AUTS2: variants seen among roughly 807,000 people sequenced by gnomAD.
AUTS2 encodes autism susceptibility gene 2 protein.
In AUTS2, 17 loss-of-function variants were observed where a neutral mutation model predicts 112.4. That is an observed-to-expected ratio of 0.15 (90% CI 0.10 to 0.23). The LOEUF is 0.23. Ranked by LOEUF, AUTS2 falls within the 10% of genes least tolerant of loss-of-function variation. The pLI, the probability that AUTS2 is intolerant of heterozygous loss-of-function variation, is 1.00. For synonymous variants in AUTS2, 751 were observed against 702.7 expected (o/e 1.07, Z -1.09); for missense variants, 1,510 against 1,701.6 (o/e 0.89, Z 1.98).
At chr7:70,586,739 G>A (rs1343359235) in intron 5 of AUTS2, among the ~76,000 whole-genome samples, 1 of 152,154 alleles carries the variant, frequency 6.6e-6, no homozygotes, top group East Asian at 1.9e-4. Flanking sequence ...CGGAGACCCT[G>A]CTGTTCAATC....
At chr7:70,552,185 A>G (rs999244816) in intron 5 of AUTS2, among the ~76,000 whole-genome samples, 1 of 152,180 alleles carries the variant, frequency 6.6e-6, no homozygotes, top group Non-Finnish European at 1.5e-5. Context: ...AGTGGAACTT[A>G]ATCTAATTTA....
At chr7:70,530,905 G>C (rs1430839202) in intron 5 of AUTS2, among the ~76,000 whole-genome samples, 1 of 152,066 alleles carries the variant, frequency 6.6e-6, no homozygotes, top group African/African-American at 2.4e-5. Context: ...TATTATCGTT[G>C]GGAAGCATTA....
intron 1 of AUTS2, among the ~76,000 whole-genome samples, chr7:69,714,217 A>G (rs987077849): frequency 5.3e-5 from 8 of 150,284 alleles, no homozygotes; most frequent in South Asian, 4.2e-4. Context: ...GCATGCACCA[A>G]CACACCCAGC....
intron 4 of AUTS2, among the ~76,000 whole-genome samples, chr7:70,366,545 G>A (rs1302433025): frequency 2.0e-5 from 3 of 152,106 alleles, no homozygotes; most frequent in Non-Finnish European, 4.4e-5. Context: ...AGTAGATTAG[G>A]CCCCAAATCC....
At chr7:70,161,800 A>ACTGCAGGT (rs1808088736) in intron 4 of AUTS2, among the ~76,000 whole-genome samples, 1 of 152,066 alleles carries the variant, frequency 6.6e-6, no homozygotes, top group Non-Finnish European at 1.5e-5. Context: ...GTAACACTCC[A>ACTGCAGGT]TAAACCTGCA....
At position 70,567,935 on chromosome 7, in the gene AUTS2, C is replaced by G. The variant is rs891579149; in HGVS notation, c.691-130634C>G. The stretch of plus-strand genomic sequence containing the variant: ...CTCCAGAATAGAGGCACCATATGAG[C>G]AACAACACTAGACTGGGTTTCTCAG... On this transcript the variant is annotated intron_variant, in intron 5 of 18. Transcript: ENST00000342771. Among the ~76,000 whole-genome samples the G allele has an allele frequency of 4.6e-5, 7 of 152,180 alleles. No individual in the cohort carries two copies. The East Asian group carries it at 1.3e-3, about 29-fold the overall frequency.
chr7:69,946,474 T>C (rs1796813844), intron 2 of AUTS2, among the ~76,000 whole-genome samples: 1 of 152,114 alleles, frequency 6.6e-6, no homozygotes, highest in Non-Finnish European at 1.5e-5. Flanking sequence ...ATGTTCATTA[T>C]GGCATTATTC....
At chr7:69,968,823 A>G (rs1239314345) in intron 2 of AUTS2, among the ~76,000 whole-genome samples, 1 of 151,938 alleles carries the variant, frequency 6.6e-6, no homozygotes, top group Admixed American at 6.6e-5. Flanking sequence ...AAAAGTTAGA[A>G]CATTTTCAAC....
intron 2 of AUTS2, among the ~76,000 whole-genome samples, chr7:70,018,940 T>C (rs1800151758): frequency 6.6e-6 from 1 of 152,238 alleles, no homozygotes; most frequent in African/African-American, 2.4e-5. Flanking sequence ...TAAATTGTTC[T>C]ATCATAAAGA....
At chr7:69,793,150 T>A (rs910108534) in intron 1 of AUTS2, among the ~76,000 whole-genome samples, 4 of 152,152 alleles carry the variant, frequency 2.6e-5, no homozygotes, top group Non-Finnish European at 5.9e-5. Context: ...ACAGTTTGAG[T>A]CCTGTGTTTG....
At chr7:70,014,842 G>A (rs916974302) in intron 2 of AUTS2, among the ~76,000 whole-genome samples, 12 of 152,202 alleles carry the variant, frequency 7.9e-5, no homozygotes, top group Non-Finnish European at 1.5e-5. Flanking sequence ...GAACTGCCAT[G>A]GACTAGTTTT....
chr7:69,876,349 AATATATATATAT>A lies in AUTS2; in HGVS notation c.310-22914_310-22903del, dbSNP rs61416382. Reference sequence around the variant, plus strand: ...TCAAAAAAAAAAAAAAAAAAAAAAAAATATATATATATATATATATATATATATATATATGTA... The same window carrying A: ...TCAAAAAAAAAAAAAAAAAAAAAAAAATATATATATATATATATATATGTA... On this transcript the variant is annotated intron_variant, in intron 1 of 18. Coordinates refer to ENST00000342771, the MANE Select transcript of AUTS2 (RefSeq NM_015570.4). Among the ~76,000 whole-genome samples the A allele has an allele frequency of 5.9e-3, 173 of 29,488 alleles. 1 individual carries two copies. The highest frequency in any genetic ancestry group is 0.012 in the African/African-American group (79 of 6,820). 19.3% of individuals were successfully genotyped at this position (29,488 alleles called of 152,430 possible). A position where few individuals can be genotyped will look rare whatever the true frequency, so the allele number is the denominator to read the frequency against.
chr7:70,296,517 C>T (rs1788941569), intron 4 of AUTS2, among the ~76,000 whole-genome samples: 4 of 152,130 alleles, frequency 2.6e-5, no homozygotes, highest in Admixed American at 2.6e-4. Flanking sequence ...TTGTGTCCTG[C>T]CTTTTTCCCT....
rs142036419 is a variant in AUTS2, at chr7:70,010,842, A to G, written c.523-107290A>G. Among the ~76,000 whole-genome samples the G allele has an allele frequency of 8.9e-3, 1,356 of 152,320 alleles. 16 individuals carry two copies. Among genetic ancestry groups the G allele is most frequent in the Non-Finnish European group, 0.013 (857 of 68,028 alleles). On this transcript the variant is annotated intron_variant, in intron 2 of 18. Coordinates refer to ENST00000342771, the MANE Select transcript of AUTS2 (RefSeq NM_015570.4). ...CAGTGCTCACCAGATTGCTTCTGTC[A>G]TACTTCACCTGGACATCTGTGGATT...
At chr7:70,303,307 C>T (rs1584994966) in intron 4 of AUTS2, among the ~76,000 whole-genome samples, 1 of 152,162 alleles carries the variant, frequency 6.6e-6, no homozygotes, top group East Asian at 1.9e-4. Flanking sequence ...TTCTTTCCTG[C>T]CCTCAAGAGG....
intron 2 of AUTS2, among the ~76,000 whole-genome samples, chr7:69,942,982 C>T (rs570560507): frequency 2.6e-5 from 4 of 152,156 alleles, no homozygotes; most frequent in African/African-American, 7.2e-5. Context: ...GTCTTTAAAT[C>T]GGGACCATAT....
At chr7:70,615,081 A>G (rs1181116490) in intron 5 of AUTS2, among the ~76,000 whole-genome samples, 1 of 152,206 alleles carries the variant, frequency 6.6e-6, no homozygotes, top group African/African-American at 2.4e-5. Flanking sequence ...GGCTGGCTAC[A>G]TTGAGGTTAA....
At chr7:70,232,366 G>A (rs374119755) in intron 4 of AUTS2, among the ~76,000 whole-genome samples, 32 of 151,490 alleles carry the variant, frequency 2.1e-4, no homozygotes, top group Non-Finnish European at 3.2e-4. Context: ...CAGTTTTAAC[G>A]TGGTCAGCAA....
chr7:70,788,113 G>A lies in AUTS2; in HGVS notation c.2531+682G>A, dbSNP rs779296515. Among the ~76,000 whole-genome samples, 8 of 151,598 alleles carry A rather than the reference G, an allele frequency of 5.3e-5. 1 individual carries two copies. Among genetic ancestry groups the A allele is most frequent in the South Asian group, 4.1e-4 (2 of 4,822 alleles). On this transcript the variant is annotated intron_variant, in intron 18 of 18. Transcript: ENST00000342771. ...TTTTTTTTCCAAAGAATATCGTAAC[G>A]CATTCTTGACAAAAATGTCTTTTTT...
Sources: gnomAD v4.1 joint callset for allele counts (sites outside exome capture counted in the v4.1 genomes callset) on GRCh38, gnomAD v4.1.1 for gene constraint, MANE v1.5 for transcripts, NCBI Gene and HGNC (gene_info 2026-07-23, HGNC 2026-07-21) for gene names.